EPHA5: variants seen among roughly 807,000 people sequenced by gnomAD.
EPHA5 encodes EPH receptor A5.
EPHA5 carries 60 observed loss-of-function variants against 105.0 expected under a neutral mutation model. The observed-to-expected ratio is 0.57, with a 90% confidence interval of 0.46 to 0.71. The LOEUF (loss-of-function observed/expected upper bound fraction) is 0.71, where lower values mean the gene tolerates loss of function less well. Among genes scored for constraint, EPHA5 ranks in the 30% least tolerant of loss-of-function variants. The pLI is 0.00. For missense variants in EPHA5, 1,218 were observed against 1,274.7 expected (o/e 0.96, Z 0.68); for synonymous variants, 513 against 449.1 (o/e 1.14, Z -1.80).
chr4:65,462,041 CA>C (rs1560562898), intron 5 of EPHA5, among the ~76,000 whole-genome samples: 1 of 151,960 alleles, frequency 6.6e-6, no homozygotes. Context: ...GATTGATAGG[CA>C]GATAGATAGA....
Position 65,323,947 on chromosome 4 carries a change from G to T in EPHA5, c.*167C>A, listed in dbSNP as rs1212913316. The T allele has an allele frequency of 1.9e-6, 1 of 533,982 alleles. No individual in the cohort carries two copies. The highest frequency in any genetic ancestry group is 3.6e-5 in the Admixed American group (1 of 27,984). The allele number at this position is 533,982 out of a possible 1,614,324, so 33.1% of individuals were successfully genotyped here. A position where few individuals can be genotyped will look rare whatever the true frequency, so the allele number is the denominator to read the frequency against. The stretch of plus-strand genomic sequence containing the variant: ...AAATGAAGACTAAGGACTAAGAACT[G>T]GATACTTCAGTAAAACCATGATTAC... On this transcript the variant is annotated 3_prime_UTR_variant, in exon 17 of 17. Coordinates refer to ENST00000613740, the MANE Select transcript of EPHA5 (RefSeq NM_001281766.3).
intron 3 of EPHA5, among the ~76,000 whole-genome samples, chr4:65,530,879 A>G (rs373099742): frequency 3.9e-5 from 6 of 152,210 alleles, no homozygotes; most frequent in Admixed American, 3.3e-4. Flanking sequence ...GCTGACATTT[A>G]TCACCTCTCC....
intron 3 of EPHA5, among the ~76,000 whole-genome samples, chr4:65,551,171 A>G (rs1007846813): frequency 2.9e-5 from 2 of 68,568 alleles, no homozygotes; most frequent in African/African-American, 6.5e-5. Context: ...ATCCAAACAT[A>G]AGTAGGTTTG....
intron 5 of EPHA5, among the ~76,000 whole-genome samples, chr4:65,452,315 T>C (rs1475878840): frequency 6.6e-6 from 1 of 152,176 alleles, no homozygotes; most frequent in East Asian, 1.9e-4. Flanking sequence ...GCATTTATTT[T>C]CCTATGAGAC....
At chr4:65,655,384 T>C (rs534287863) in intron 1 of EPHA5, among the ~76,000 whole-genome samples, 3 of 152,078 alleles carry the variant, frequency 2.0e-5, no homozygotes, top group Non-Finnish European at 4.4e-5. Flanking sequence ...AGCAACTGCA[T>C]TTTAGAAGTT....
At chr4:65,659,319 G>GAAAAAAAAAAA (rs5858980) in intron 1 of EPHA5, among the ~76,000 whole-genome samples, 2 of 71,602 alleles carry the variant, frequency 2.8e-5, no homozygotes, top group Admixed American at 1.7e-4. Context: ...TAGAGTAACA[G>GAAAAAAAAAAA]AAAAAAAAAA....
intron 3 of EPHA5, among the ~76,000 whole-genome samples, chr4:65,575,854 G>A (rs1192666360): frequency 6.6e-6 from 1 of 151,354 alleles, no homozygotes; most frequent in South Asian, 2.1e-4. Context: ...ATGGGCGCCT[G>A]TAATCCCAGC....
chr4:65,577,420 A>G (rs1280012226), intron 3 of EPHA5, among the ~76,000 whole-genome samples: 1 of 152,100 alleles, frequency 6.6e-6, no homozygotes, highest in Non-Finnish European at 1.5e-5. Flanking sequence ...TTTTAATGAG[A>G]TTTTTAAAAT....
chr4:65,351,048 T>A (rs1038868796), intron 13 of EPHA5, among the ~76,000 whole-genome samples: 1 of 144,512 alleles, frequency 6.9e-6, no homozygotes. Flanking sequence ...TATATATATA[T>A]AACCTTTAAT....
At chr4:65,597,894 AT>A (rs1743340609) in intron 3 of EPHA5, among the ~76,000 whole-genome samples, 1 of 152,146 alleles carries the variant, frequency 6.6e-6, no homozygotes, top group African/African-American at 2.4e-5. Context: ...GCTGCCTAGC[AT>A]TCTGAATCTT....
chr4:65,467,553 A>G (rs1449264012), intron 5 of EPHA5, among the ~76,000 whole-genome samples: 1 of 152,218 alleles, frequency 6.6e-6, no homozygotes, highest in Non-Finnish European at 1.5e-5. Flanking sequence ...TTGAAAGACC[A>G]TAAGGAGAAA....
chr4:65,650,987 T>A (rs1748559690), intron 1 of EPHA5, among the ~76,000 whole-genome samples: 2 of 152,186 alleles, frequency 1.3e-5, no homozygotes, highest in Admixed American at 1.3e-4. Context: ...TCAGCAAAAA[T>A]GAACTTATTT....
At chr4:65,344,986 C>T (rs908160010) in intron 14 of EPHA5, among the ~76,000 whole-genome samples, 2 of 152,106 alleles carry the variant, frequency 1.3e-5, no homozygotes, top group Admixed American at 1.3e-4. Flanking sequence ...TTTCTGGTAT[C>T]ACTTTCATTA....
intron 3 of EPHA5, among the ~76,000 whole-genome samples, chr4:65,542,145 A>G (rs1216304940): frequency 6.6e-6 from 1 of 151,972 alleles, no homozygotes; most frequent in Non-Finnish European, 1.5e-5. Context: ...GAAATATCTC[A>G]AATCAACACT....
chr4:65,504,721 A>G (rs1324793262), intron 3 of EPHA5, among the ~76,000 whole-genome samples: 3 of 151,912 alleles, frequency 2.0e-5, no homozygotes, highest in Non-Finnish European at 4.4e-5. Flanking sequence ...GTAAATCACA[A>G]TATTACTTTT....
intron 5 of EPHA5, among the ~76,000 whole-genome samples, chr4:65,452,985 A>G (rs1335386764): frequency 6.6e-6 from 1 of 152,144 alleles, no homozygotes; most frequent in African/African-American, 2.4e-5. Context: ...GTTTCTAGGA[A>G]CTTCTTTCTT....
chr4:65,385,439 ATGTG>A (rs1184536886), intron 8 of EPHA5, among the ~76,000 whole-genome samples: 1 of 151,874 alleles, frequency 6.6e-6, no homozygotes, highest in Non-Finnish European at 1.5e-5. Flanking sequence ...AACTCAAGGA[ATGTG>A]TGTATTTTGT....
chr4:65,655,630 G>C (rs1748989702), intron 1 of EPHA5, among the ~76,000 whole-genome samples: 1 of 152,050 alleles, frequency 6.6e-6, no homozygotes, highest in African/African-American at 2.4e-5. Context: ...TTCTAAGCAA[G>C]GGTTCTTTAA....
chr4:65,529,656 G>A (rs988171277), intron 3 of EPHA5, among the ~76,000 whole-genome samples: 1 of 152,082 alleles, frequency 6.6e-6, no homozygotes, highest in Non-Finnish European at 1.5e-5. Flanking sequence ...ATTAATAAAT[G>A]TCATGGTTTC....
Sources: gnomAD v4.1 joint callset for allele counts (sites outside exome capture counted in the v4.1 genomes callset) on GRCh38, gnomAD v4.1.1 for gene constraint, MANE v1.5 for transcripts, NCBI Gene and HGNC (gene_info 2026-07-23, HGNC 2026-07-21) for gene names.